The following TBCD variants were observed in gnomAD, a reference collection of about 807,000 sequenced individuals.
TBCD encodes the protein tubulin-specific chaperone D.
In TBCD, 105 loss-of-function variants were observed where a neutral mutation model predicts 169.3. The observed-to-expected ratio is 0.62, with a 90% CI of 0.53 to 0.73. TBCD has a LOEUF of 0.73. TBCD is among the 30% of genes least tolerant of loss of function. The pLI is 0.00. For missense variants in TBCD, 1,444 were observed against 1,600.1 expected, an observed-to-expected ratio of 0.90 and a Z score of 1.66; for synonymous variants, 700 against 643.9, an observed-to-expected ratio of 1.09 and a Z score of -1.32.
chr17:82,900,200 C>G (rs2059794396), intron 17 of TBCD, among the ~76,000 whole-genome samples: 1 of 152,308 alleles, frequency 6.6e-6, no homozygotes, highest in African/African-American at 2.4e-5. Context: ...CGCCTCGGTC[C>G]TCCCCCACCC....
rs569430495 is a variant in TBCD, at chr17:82,889,998, C to G, written c.1563+301C>G. ...GGTCCCTGGGACCAGCCTGGCCTTG[C>G]GGGGACGCAGACCTGACCCCGCCTC... On this transcript the variant is annotated intron_variant, in intron 16 of 38. Coordinates refer to ENST00000355528, the MANE Select transcript of TBCD (RefSeq NM_005993.5). The surrounding 1 kb of genome is among the most constrained non-coding windows in gnomAD (Gnocchi z 5.3). Among the ~76,000 whole-genome samples, 1 of 152,144 alleles carries G rather than the reference C, an allele frequency of 6.6e-6. No individual in the cohort carries two copies. The highest frequency in any genetic ancestry group is 1.5e-5 in the Non-Finnish European group (1 of 67,988).
intron 13 of TBCD, among the ~76,000 whole-genome samples, chr17:82,848,913 T>C (rs2055391025): frequency 1.1e-5 from 1 of 94,276 alleles, no homozygotes; most frequent in African/African-American, 4.5e-5. Context: ...TCCACCTCGA[T>C]GTCCCCCTCT....
chr17:82,879,583 G>T (rs72859941), intron 14 of TBCD, among the ~76,000 whole-genome samples: 81 of 151,914 alleles, frequency 5.3e-4, no homozygotes, highest in Non-Finnish European at 1.0e-3. Flanking sequence ...GGTTCCCTCT[G>T]TGCTGGTCCG....
intron 38 of TBCD, 179 bp from the exon 39 acceptor site, chr17:82,942,270 G>C (rs1568117831): frequency 1.3e-6 from 1 of 791,658 alleles, no homozygotes; most frequent in East Asian, 2.7e-5. Context: ...GGACACGTTA[G>C]TCATGAGCAC....
At chr17:82,900,178 C>T (rs2059792374) in intron 17 of TBCD, among the ~76,000 whole-genome samples, 1 of 152,204 alleles carries the variant, frequency 6.6e-6, no homozygotes, top group African/African-American at 2.4e-5. Context: ...CATGTCTGCT[C>T]CTTGTAATTC....
intron 6 of TBCD, among the ~76,000 whole-genome samples, chr17:82,777,350 G>C (rs1413308875): frequency 6.6e-6 from 1 of 152,204 alleles, no homozygotes; most frequent in East Asian, 1.9e-4. Flanking sequence ...GGAGATGAGA[G>C]AGTGTAGAAA....
Position 82,766,283 on chromosome 17 carries a change from C to T in TBCD, c.350C>T (p.Thr117Ile), listed in dbSNP as rs201192044. 1 of 1,611,780 alleles carries T rather than the reference C, an allele frequency of 6.2e-7. No individual in the cohort carries two copies. The highest frequency in any genetic ancestry group is 8.5e-7 in the Non-Finnish European group (1 of 1,178,870). The change falls in exon 4 of 39, where the codon ACA becomes ATA. Residue 117 changes from threonine to isoleucine, a missense_variant. By Grantham distance (89) the Thr-to-Ile change is moderately conservative. Coordinates refer to ENST00000355528, the MANE Select transcript of TBCD (RefSeq NM_005993.5). ...ATTTGATAGGTTCGAGGCTATAAAACATTTCTTCGTTTATTTCCTCATGAA... is the reference window on the plus strand; with the variant it reads ...ATTTGATAGGTTCGAGGCTATAAAATATTTCTTCGTTTATTTCCTCATGAA... ...YIITKVRGYK[T>I]FLRLFPHEVA...
chr17:82,855,825 C>G (rs559332660), intron 13 of TBCD, among the ~76,000 whole-genome samples: 1 of 152,214 alleles, frequency 6.6e-6, no homozygotes, highest in South Asian at 2.1e-4. Context: ...TGGCACCTGC[C>G]AGGCTGTTTT....
At chr17:82,824,854 C>A (rs1232349871) in intron 13 of TBCD, among the ~76,000 whole-genome samples, 1 of 152,138 alleles carries the variant, frequency 6.6e-6, no homozygotes, top group Non-Finnish European at 1.5e-5. Context: ...GAGAGCTTAT[C>A]ACTTTTTGTA....
intron 16 of TBCD, among the ~76,000 whole-genome samples, chr17:82,892,590 G>A (rs1255884776): frequency 1.3e-5 from 2 of 152,106 alleles, no homozygotes; most frequent in African/African-American, 4.8e-5. Flanking sequence ...GTTCAGTTAC[G>A]TTGACTTGCG....
At chr17:82,828,220 C>T (rs1013564364) in intron 13 of TBCD, among the ~76,000 whole-genome samples, 9 of 142,236 alleles carry the variant, frequency 6.3e-5, no homozygotes, top group African/African-American at 2.1e-4. Flanking sequence ...GACACCCACA[C>T]GATTGAATGC....
chr17:82,940,918 G>A (rs1211581165), intron 37 of TBCD, among the ~76,000 whole-genome samples: 1 of 152,136 alleles, frequency 6.6e-6, no homozygotes, highest in African/African-American at 2.4e-5. Flanking sequence ...CTAGCAGGGT[G>A]GGCCTGGGGG....
chr17:82,781,391 G>A (rs2048940655), intron 6 of TBCD, among the ~76,000 whole-genome samples, 198 bp from the exon 7 acceptor site: 1 of 151,824 alleles, frequency 6.6e-6, no homozygotes, highest in Non-Finnish European at 1.5e-5. Flanking sequence ...CCCTGGTCAG[G>A]GCAGCGACTT....
In TBCD at chr17:82,798,201, C is replaced by T. The variant is rs1017922209; in HGVS notation, c.817+399C>T. ...TCTCTCTGTCGCCCAGGCTGGAGTG[C>T]AGTGGCACTATCTCAGCTCACTGCA... On this transcript the variant is annotated intron_variant, in intron 8 of 38. Transcript: ENST00000355528. Among the ~76,000 whole-genome samples the T allele has an allele frequency of 1.7e-4, 25 of 150,008 alleles. No individual in the cohort carries two copies. In the East Asian group the frequency reaches 4.3e-3, roughly 26 times the overall value.
rs150860691 is a variant in TBCD, at chr17:82,920,275, G to C, written c.2039-281G>C. Among the ~76,000 whole-genome samples, 30 of 152,348 alleles carry C rather than the reference G, an allele frequency of 2.0e-4. No individual in the cohort carries two copies. Among genetic ancestry groups the C allele is most frequent in the African/African-American group, 7.0e-4 (29 of 41,576 alleles). On this transcript the variant is annotated intron_variant, in intron 23 of 38. Coordinates refer to ENST00000355528, the MANE Select transcript of TBCD (RefSeq NM_005993.5). This position sits in a 1 kb window ranked among gnomAD's most constrained non-coding sequence, Gnocchi z 4.1. ...CTGCAGCTCCCTGACAGGCCGGCCC[G>C]GCTTCTCTGAAGTGCACGTGGGCTC...
At chr17:82,857,486 C>G (rs2056407582) in intron 13 of TBCD, among the ~76,000 whole-genome samples, 1 of 152,096 alleles carries the variant, frequency 6.6e-6, no homozygotes, top group Non-Finnish European at 1.5e-5. Context: ...TTTTAATTCC[C>G]TCTTTTCAGT....
rs201364781 is a variant in TBCD, at chr17:82,909,375, C to T, written c.2006+68C>T. ...GAAGAACTGCGCTGTCAGGAGCAGG[C>T]GGGGCGGGTGTGTTCGCTTCCCTCT... On this transcript the variant is annotated intron_variant, in intron 22 of 38. Coordinates refer to ENST00000355528, the MANE Select transcript of TBCD (RefSeq NM_005993.5). The T allele has an allele frequency of 3.8e-4, 518 of 1,368,604 alleles. 3 individuals carry two copies. The highest frequency in any genetic ancestry group is 7.2e-4 in the Admixed American group (35 of 48,568). The allele number at this position is 1,368,604 out of a possible 1,614,324, so 84.8% of individuals were successfully genotyped here.
At chr17:82,888,052 T>A (rs961873411) in intron 15 of TBCD, among the ~76,000 whole-genome samples, 3 of 152,262 alleles carry the variant, frequency 2.0e-5, no homozygotes, top group Non-Finnish European at 4.4e-5. Context: ...GTCCTCTTCA[T>A]AGGGCAAGAG....
At chr17:82,802,627 C>G (rs1038544317) in intron 9 of TBCD, among the ~76,000 whole-genome samples, 3 of 152,196 alleles carry the variant, frequency 2.0e-5, no homozygotes, top group Non-Finnish European at 4.4e-5. Context: ...GAAGACAGAA[C>G]AAGTCCAGTT....
Sources: allele counts gnomAD v4.1 joint callset (sites outside exome capture counted in the v4.1 genomes callset), GRCh38; gene constraint gnomAD v4.1.1; non-coding constraint Gnocchi (gnomAD v3.1); transcripts MANE v1.5; gene names NCBI Gene and HGNC (gene_info 2026-07-23, HGNC 2026-07-21).